ZFPM2: variants seen among roughly 807,000 people sequenced by gnomAD.
The protein encoded by ZFPM2 is zinc finger protein, FOG family member 2.
ZFPM2 carries 20 observed loss-of-function variants against 98.6 expected under a neutral mutation model. The observed-to-expected ratio is 0.20, with a 90% CI of 0.14 to 0.29. The LOEUF is 0.29. ZFPM2 is among the 10% of genes least tolerant of loss of function. The pLI, the probability that ZFPM2 is intolerant of heterozygous loss-of-function variation, is 1.00. For synonymous variants in ZFPM2, 518 were observed against 502.7 expected, an observed-to-expected ratio of 1.03 and a Z score of -0.41; for missense variants, 1,310 against 1,388.6, an observed-to-expected ratio of 0.94 and a Z score of 0.90.
At chr8:105,458,361 G>A (rs1449926849) in intron 3 of ZFPM2, among the ~76,000 whole-genome samples, 1 of 151,974 alleles carries the variant, frequency 6.6e-6, no homozygotes, top group Non-Finnish European at 1.5e-5. Flanking sequence ...CAGAGAATCA[G>A]TTGAAATGAA....
intron 3 of ZFPM2, among the ~76,000 whole-genome samples, chr8:105,463,301 A>G (rs908343219): frequency 2.0e-5 from 3 of 151,788 alleles, no homozygotes; most frequent in Non-Finnish European, 4.4e-5. Flanking sequence ...GTGTGTATAT[A>G]TATACACATA....
At chr8:105,666,630 C>A (rs1448701726) in intron 5 of ZFPM2, among the ~76,000 whole-genome samples, 2 of 152,126 alleles carry the variant, frequency 1.3e-5, no homozygotes, top group African/African-American at 4.8e-5. Context: ...TTCTAGAAAA[C>A]CATAGGGTGA....
intron 3 of ZFPM2, among the ~76,000 whole-genome samples, chr8:105,511,985 A>C (rs1276222957): frequency 6.6e-6 from 1 of 152,118 alleles, no homozygotes; most frequent in African/African-American, 2.4e-5. Flanking sequence ...ATCTCTACTA[A>C]AAATACAAAA....
intron 1 of ZFPM2, among the ~76,000 whole-genome samples, chr8:105,374,428 G>T (rs746072318): frequency 2.0e-5 from 3 of 151,532 alleles, no homozygotes; most frequent in Non-Finnish European, 4.4e-5. Flanking sequence ...TTGAGACAGG[G>T]TCTTGCTATT....
Position 105,380,676 on chromosome 8 carries a change from T to TTA in ZFPM2, c.41-38458_41-38457dup, listed in dbSNP as rs536617993. 1.4e-3 allele frequency among the ~76,000 whole-genome samples: 20 copies of TTA among 14,194 alleles called. 1 individual carries two copies. The highest frequency in any genetic ancestry group is 2.4e-3 in the East Asian group (2 of 840). The allele number at this position is 14,194 out of a possible 152,430, so 9.3% of individuals were successfully genotyped here. A position where few individuals can be genotyped will look rare whatever the true frequency, so the allele number is the denominator to read the frequency against. Reference sequence around the variant, plus strand: ...ATATATATTATATATAACATATATATTATATATATATTATATATAACATAT... The same window carrying TTA: ...ATATATATTATATATAACATATATATTATATATATATATTATATATAACATAT... On this transcript the variant is annotated intron_variant, in intron 1 of 7. Coordinates refer to ENST00000407775, the MANE Select transcript of ZFPM2 (RefSeq NM_012082.4).
chr8:105,563,256 G>A (rs767597479), intron 4 of ZFPM2, among the ~76,000 whole-genome samples: 7 of 152,104 alleles, frequency 4.6e-5, no homozygotes, highest in African/African-American at 9.7e-5. Context: ...GTGGATCTCC[G>A]TTTATTCAGT....
At chr8:105,511,679 G>T (rs1408854240) in intron 3 of ZFPM2, among the ~76,000 whole-genome samples, 1 of 152,162 alleles carries the variant, frequency 6.6e-6, no homozygotes, top group Non-Finnish European at 1.5e-5. Flanking sequence ...AAAGTGAAAT[G>T]ATCTAATACA....
intron 1 of ZFPM2, among the ~76,000 whole-genome samples, chr8:105,398,956 C>T (rs1308890126): frequency 2.0e-5 from 3 of 151,998 alleles, no homozygotes; most frequent in Non-Finnish European, 4.4e-5. Context: ...TGTTCTCAAA[C>T]CTGAAGGATG....
chr8:105,791,233 T>C (rs1403033617), intron 6 of ZFPM2, among the ~76,000 whole-genome samples: 1 of 152,052 alleles, frequency 6.6e-6, no homozygotes, highest in Non-Finnish European at 1.5e-5. Context: ...GGGTTTGTCA[T>C]AGATAGCTCT....
intron 3 of ZFPM2, among the ~76,000 whole-genome samples, chr8:105,508,703 G>T (rs191074710): frequency 5.3e-5 from 8 of 151,830 alleles, no homozygotes; most frequent in African/African-American, 2.4e-5. Flanking sequence ...CTTATCTCGG[G>T]GCTCTTCGGC....
intron 3 of ZFPM2, among the ~76,000 whole-genome samples, chr8:105,548,475 T>C (rs962084293): frequency 6.6e-6 from 1 of 152,198 alleles, no homozygotes. Flanking sequence ...AAACTGTTTT[T>C]TTTTACAACA....
chr8:105,752,550 C>A (rs1031511637), intron 5 of ZFPM2, among the ~76,000 whole-genome samples: 1 of 152,138 alleles, frequency 6.6e-6, no homozygotes, highest in Non-Finnish European at 1.5e-5. Flanking sequence ...GACGTTCTCT[C>A]CTTCTTTGTC....
At chr8:105,388,836 G>A (rs1252347944) in intron 1 of ZFPM2, among the ~76,000 whole-genome samples, 6 of 152,128 alleles carry the variant, frequency 3.9e-5, no homozygotes, top group Admixed American at 1.3e-4. Flanking sequence ...TCAGTTCCCT[G>A]AAATAAATTC....
chr8:105,370,243 A>T (rs1331052925), intron 1 of ZFPM2, among the ~76,000 whole-genome samples: 1 of 152,206 alleles, frequency 6.6e-6, no homozygotes, highest in Admixed American at 6.5e-5. Flanking sequence ...ACAACAAAAG[A>T]TAGCATACGT....
intron 1 of ZFPM2, among the ~76,000 whole-genome samples, chr8:105,350,857 C>A (rs1812627476): frequency 6.6e-6 from 1 of 151,898 alleles, no homozygotes; most frequent in East Asian, 1.9e-4. Context: ...GTTTCAGAAC[C>A]CCTAGCAGAT....
chr8:105,674,866 C>T (rs536426163), intron 5 of ZFPM2, among the ~76,000 whole-genome samples: 1 of 152,210 alleles, frequency 6.6e-6, no homozygotes, highest in South Asian at 2.1e-4. Flanking sequence ...CTTGTGGAGC[C>T]AGAGACCATG....
At chr8:105,515,911 C>CTTTTT (rs34183654) in intron 3 of ZFPM2, among the ~76,000 whole-genome samples, 129 of 89,264 alleles carry the variant, frequency 1.4e-3, no homozygotes, top group East Asian at 2.9e-3. Context: ...AAAACAACTT[C>CTTTTT]TTTTTTTTTT....
At chr8:105,376,836 A>T (rs1810733355) in intron 1 of ZFPM2, among the ~76,000 whole-genome samples, 1 of 152,218 alleles carries the variant, frequency 6.6e-6, no homozygotes, top group African/African-American at 2.4e-5. Flanking sequence ...ACTCCTTAGA[A>T]TCCATCCTGG....
chr8:105,644,825 T>A lies in ZFPM2; in HGVS notation c.532+10468T>A, dbSNP rs556790089. On this transcript the variant is annotated intron_variant, in intron 5 of 7. Transcript: ENST00000407775. Reference sequence around the variant, plus strand: ...TCTCTCTTGCTTTTCTTCTTATGTGTACACTCATCCCATTATGAGAGCTCC... The same window carrying A: ...TCTCTCTTGCTTTTCTTCTTATGTGAACACTCATCCCATTATGAGAGCTCC... Among the ~76,000 whole-genome samples the A allele has an allele frequency of 6.6e-5, 10 of 152,236 alleles. No homozygotes were observed. The East Asian group carries it at 1.7e-3, about 27-fold the overall frequency.
Sources: allele counts gnomAD v4.1 joint callset (sites outside exome capture counted in the v4.1 genomes callset), GRCh38; gene constraint gnomAD v4.1.1; transcripts MANE v1.5; gene names NCBI Gene and HGNC (gene_info 2026-07-23, HGNC 2026-07-21).